CPNE8: variants seen among roughly 807,000 people sequenced by gnomAD.
The protein encoded by CPNE8 is copine-8.
In CPNE8, 45 loss-of-function variants were observed where a neutral mutation model predicts 81.5. The ratio of observed to expected loss-of-function variants is 0.55; its 90% CI spans 0.44 to 0.71. CPNE8 has a LOEUF of 0.71. CPNE8 is among the 30% of genes least tolerant of loss of function. The probability of loss-of-function intolerance (pLI) is 0.00; values close to 1 mark genes in which losing one functional copy is unlikely to be tolerated. For synonymous variants in CPNE8, 252 were observed against 226.3 expected, an observed-to-expected ratio of 1.11 and a Z score of -1.02; for missense variants, 594 against 672.1, an observed-to-expected ratio of 0.88 and a Z score of 1.28.
chr12:38,658,269 C>G (rs112901748), intron 19 of CPNE8, among the ~76,000 whole-genome samples: 1 of 152,082 alleles, frequency 6.6e-6, no homozygotes, highest in East Asian at 1.9e-4. Context: ...GCTTCAATAG[C>G]TGATTCAATC....
intron 6 of CPNE8, among the ~76,000 whole-genome samples, chr12:38,795,409 G>T (rs1016213109): frequency 1.3e-5 from 2 of 152,162 alleles, no homozygotes; most frequent in Admixed American, 6.5e-5. Flanking sequence ...GGGTCTTGAA[G>T]AGATATTTGC....
At chr12:38,658,150 G>A (rs1387854515) in intron 19 of CPNE8, among the ~76,000 whole-genome samples, 2 of 152,012 alleles carry the variant, frequency 1.3e-5, no homozygotes, top group African/African-American at 4.8e-5. Flanking sequence ...TAAAAACCTT[G>A]AAAAAAGGTT....
intron 10 of CPNE8, among the ~76,000 whole-genome samples, chr12:38,759,169 G>C (rs117214165): frequency 1.2e-4 from 19 of 152,228 alleles, no homozygotes; most frequent in Non-Finnish European, 1.9e-4. Context: ...AGTCAGATTT[G>C]CTTCAGCCTC....
intron 6 of CPNE8, among the ~76,000 whole-genome samples, chr12:38,777,391 AT>A (rs1049836921): frequency 3.9e-5 from 6 of 152,240 alleles, no homozygotes; most frequent in African/African-American, 1.2e-4. Context: ...TTATTAAAAC[AT>A]TTTAAAAAGT....
At chr12:38,665,593 G>C (rs780839389) in intron 19 of CPNE8, among the ~76,000 whole-genome samples, 7 of 152,120 alleles carry the variant, frequency 4.6e-5, no homozygotes, top group Non-Finnish European at 1.0e-4. Context: ...AGCTCCATTA[G>C]TGATTTTCAA....
intron 6 of CPNE8, among the ~76,000 whole-genome samples, chr12:38,784,115 G>C (rs140432534): frequency 6.6e-6 from 1 of 152,278 alleles, no homozygotes; most frequent in East Asian, 1.9e-4. Flanking sequence ...TCAAATTGAA[G>C]ATGACACAGA....
At chr12:38,752,446 G>C (rs1941370400) in intron 10 of CPNE8, among the ~76,000 whole-genome samples, 1 of 152,082 alleles carries the variant, frequency 6.6e-6, no homozygotes, top group African/African-American at 2.4e-5. Context: ...ACCTTCCCCT[G>C]GACTCCCTGG....
intron 14 of CPNE8, among the ~76,000 whole-genome samples, chr12:38,699,214 CTT>C (rs1268837434): frequency 2.0e-5 from 3 of 152,082 alleles, no homozygotes; most frequent in African/African-American, 7.2e-5. Flanking sequence ...CTTCTTTTCT[CTT>C]GTTTTCCATT....
At chr12:38,868,632 C>A (rs1038595310) in intron 3 of CPNE8, among the ~76,000 whole-genome samples, 2 of 152,132 alleles carry the variant, frequency 1.3e-5, no homozygotes, top group Non-Finnish European at 2.9e-5. Flanking sequence ...CAGGATACAG[C>A]TCTGAAAAAC....
chr12:38,740,791 C>T (rs947398187), intron 10 of CPNE8, among the ~76,000 whole-genome samples: 2 of 152,236 alleles, frequency 1.3e-5, no homozygotes, highest in African/African-American at 2.4e-5. Flanking sequence ...ATTTGGTTTG[C>T]CAGTATTTTA....
chr12:38,813,521 G>A (rs1942971263), intron 6 of CPNE8, among the ~76,000 whole-genome samples: 1 of 152,196 alleles, frequency 6.6e-6, no homozygotes, highest in Admixed American at 6.5e-5. Flanking sequence ...TATTCAATTT[G>A]AGATTTCTTT....
At chr12:38,769,080 C>T (rs2136871872) in intron 7 of CPNE8, among the ~76,000 whole-genome samples, 1 of 152,274 alleles carries the variant, frequency 6.6e-6, no homozygotes, top group Non-Finnish European at 1.5e-5. Context: ...CATTCATTCA[C>T]TCATTTTCTT....
chr12:38,837,345 G>A (rs575894891), intron 5 of CPNE8, among the ~76,000 whole-genome samples: 2 of 152,068 alleles, frequency 1.3e-5, no homozygotes, highest in African/African-American at 2.4e-5. Context: ...TGATCTGGAA[G>A]GAAAAAATCA....
chr12:38,744,565 C>T (rs1159666499), intron 10 of CPNE8, among the ~76,000 whole-genome samples: 1 of 152,028 alleles, frequency 6.6e-6, no homozygotes, highest in African/African-American at 2.4e-5. Context: ...TGTTATAAAC[C>T]CATAGATGTC....
At chr12:38,853,390 C>G (rs1943678893) in intron 3 of CPNE8, among the ~76,000 whole-genome samples, 1 of 151,920 alleles carries the variant, frequency 6.6e-6, no homozygotes, top group African/African-American at 2.4e-5. Context: ...TTCTGAATAT[C>G]AATAATACTA....
At chr12:38,885,250 A>T (rs892434116) in intron 1 of CPNE8, among the ~76,000 whole-genome samples, 2 of 152,186 alleles carry the variant, frequency 1.3e-5, no homozygotes, top group African/African-American at 4.8e-5. Context: ...TAAGGCTATA[A>T]ATATACAAAG....
At chr12:38,789,798 C>T (rs80233489) in intron 6 of CPNE8, among the ~76,000 whole-genome samples, 1 of 151,530 alleles carries the variant, frequency 6.6e-6, no homozygotes, top group Non-Finnish European at 1.5e-5. Flanking sequence ...AGATCTGAAT[C>T]GACATTTCTC....
chr12:38,673,215 C>A (rs1442603693), intron 18 of CPNE8, among the ~76,000 whole-genome samples: 1 of 152,172 alleles, frequency 6.6e-6, no homozygotes, highest in Non-Finnish European at 1.5e-5. Context: ...CACCATGATT[C>A]TAAGTTTTCT....
At chr12:38,870,075 T>C (rs1943968380) in intron 3 of CPNE8, among the ~76,000 whole-genome samples, 1 of 152,228 alleles carries the variant, frequency 6.6e-6, no homozygotes, top group Non-Finnish European at 1.5e-5. Context: ...CACAGCAAGA[T>C]GGCCTAATAG....
Sources: allele counts gnomAD v4.1 joint callset (sites outside exome capture counted in the v4.1 genomes callset), GRCh38; gene constraint gnomAD v4.1.1; transcripts MANE v1.5; gene names NCBI Gene and HGNC (gene_info 2026-07-23, HGNC 2026-07-21).